BRWD3: variants seen among roughly 807,000 people sequenced by gnomAD.
BRWD3 encodes bromodomain and WD repeat-containing protein 3.
BRWD3 carries 10 observed loss-of-function variants against 149.7 expected under a neutral mutation model. The observed-to-expected ratio is 0.07, with a 90% CI of 0.04 to 0.11. The LOEUF is 0.11. Among genes scored for constraint, BRWD3 ranks in the 10% least tolerant of loss-of-function variants. The probability of loss-of-function intolerance (pLI) is 1.00; values close to 1 mark genes in which losing one functional copy is unlikely to be tolerated. For missense variants in BRWD3, 940 were observed against 1,373.2 expected, an observed-to-expected ratio of 0.68 and a Z score of 4.99; for synonymous variants, 504 against 456.7, an observed-to-expected ratio of 1.10 and a Z score of -1.32.
At chrX:80,712,489 C>T (rs1473516864) in intron 20 of BRWD3, among the ~76,000 whole-genome samples, 5 of 110,459 alleles carry the variant, frequency 4.5e-5, no homozygotes, top group East Asian at 5.8e-4. Context: ...GGCGTGATCT[C>T]GGCTCGCTAC....
At chrX:80,685,592 A>C (rs1383417469) in intron 35 of BRWD3, 56 bp from the exon 36 acceptor site, 1 of 908,375 alleles carries the variant, frequency 1.1e-6, no homozygotes, top group Non-Finnish European at 1.6e-6. Context: ...AAATATCAAG[A>C]CGTGTAATAC....
chrX:80,806,112 A>G (rs1382165419), intron 4 of BRWD3, among the ~76,000 whole-genome samples: 1 of 111,715 alleles, frequency 9.0e-6, no homozygotes, highest in Non-Finnish European at 1.9e-5. Context: ...TTCTGTTCAA[A>G]TTATCACTCA....
At chrX:80,742,718 G>T (rs2073532908) in intron 8 of BRWD3, among the ~76,000 whole-genome samples, 2 of 111,081 alleles carry the variant, frequency 1.8e-5, no homozygotes, top group Non-Finnish European at 3.8e-5. Flanking sequence ...TGGTGTATAG[G>T]AATGCTTGAT....
At chrX:80,748,554 C>T (rs1383069165) in intron 6 of BRWD3, among the ~76,000 whole-genome samples, 2 of 112,187 alleles carry the variant, frequency 1.8e-5, no homozygotes, top group Non-Finnish European at 3.8e-5. Flanking sequence ...TTATTACCGA[C>T]TCAATCTCAT....
chrX:80,767,724 T>A (rs1035386544), intron 6 of BRWD3, among the ~76,000 whole-genome samples: 1 of 112,185 alleles, frequency 8.9e-6, no homozygotes, highest in Non-Finnish European at 1.9e-5. Flanking sequence ...GGATGAAGAA[T>A]GACTTTGACA....
chrX:80,681,600 C>T lies in BRWD3; in HGVS notation c.4496-101G>A, dbSNP rs766860279. The T allele has an allele frequency of 5.0e-4, 323 of 642,345 alleles. 1 individual carries two copies. The African/African-American group carries it at 6.2e-3, about 12-fold the overall frequency. 52.9% of individuals were successfully genotyped at this position (642,345 alleles called of 1,213,427 possible). On this transcript the variant is annotated intron_variant, in intron 39 of 40. Transcript: ENST00000373275. ...CCATATCTCTGTTATTTTATTCTAACACCAAAATTATAAGTTTCTCTAAGA... is the reference window on the plus strand; with the variant it reads ...CCATATCTCTGTTATTTTATTCTAATACCAAAATTATAAGTTTCTCTAAGA...
chrX:80,761,056 A>G (rs760555903), intron 6 of BRWD3, among the ~76,000 whole-genome samples: 8 of 111,066 alleles, frequency 7.2e-5, no homozygotes, highest in African/African-American at 9.8e-5. Context: ...CTTAAAACCT[A>G]TTGGTTAGCT....
At chrX:80,681,076 C>T (rs1602298237) in intron 40 of BRWD3, among the ~76,000 whole-genome samples, 1 of 104,288 alleles carries the variant, frequency 9.6e-6, no homozygotes, top group South Asian at 4.6e-4. Context: ...TCCTAAAGTG[C>T]TGGGATTACA....
At chrX:80,742,577 C>A (rs1428343828) in intron 8 of BRWD3, among the ~76,000 whole-genome samples, 1 of 109,959 alleles carries the variant, frequency 9.1e-6, no homozygotes, top group Admixed American at 9.7e-5. Flanking sequence ...TTTCATTGAG[C>A]AGTGGTTTGC....
In BRWD3 at chrX:80,695,931, G is replaced by T; in HGVS notation, c.3128C>A (p.Ala1043Asp). ...ACCAATCTGCCAGTTCCTTTCTTTG[G>T]CTTCATTATAAAACTGATGTAGCAC... ...FLVLHQFYNE[A>D]KERNWQIGDR... Residue 1043 changes from alanine (A) to aspartate (D), a missense_variant, in exon 27 of 41, where the codon GCC becomes GAC. Coordinates refer to ENST00000373275, the MANE Select transcript of BRWD3 (RefSeq NM_153252.5). 1 of 1,208,809 alleles carries T rather than the reference G, an allele frequency of 8.3e-7. No individual in the cohort carries two copies. The highest frequency in any genetic ancestry group is 1.1e-6 in the Non-Finnish European group (1 of 893,581).
rs2074195959 is a variant in BRWD3, at chrX:80,792,890, G to A, written c.331+732C>T. 4.5e-5 allele frequency among the ~76,000 whole-genome samples: 5 copies of A among 110,349 alleles called. No individual in the cohort carries two copies. In the South Asian group the frequency reaches 1.5e-3, roughly 33 times the overall value. ...TATTTAACAATTACTGAGGCCCGGC[G>A]CAGTGGTTTACGCCTGTAATCCCAG... On this transcript the variant is annotated intron_variant, in intron 5 of 40. Coordinates refer to ENST00000373275, the MANE Select transcript of BRWD3 (RefSeq NM_153252.5).
At chrX:80,723,411 C>A (rs971752894) in intron 16 of BRWD3, among the ~76,000 whole-genome samples, 1 of 110,986 alleles carries the variant, frequency 9.0e-6, no homozygotes. Flanking sequence ...CAGTCACCAG[C>A]GGTTTATTCC....
chrX:80,675,466 C>A lies in BRWD3; in HGVS notation c.*1143G>T, dbSNP rs941400265. 8.9e-6 allele frequency: 1 copy of A among 111,905 alleles called. No individual in the cohort carries two copies. Among genetic ancestry groups the A allele is most frequent in the Non-Finnish European group, 1.9e-5 (1 of 53,086 alleles). 9.2% of individuals were successfully genotyped at this position (111,905 alleles called of 1,213,427 possible). ...ATAAGCAGTAGCCCAAGTCTACTTA[C>A]ACAAATATGTTCTAAGAAAGCCTAA... On this transcript the variant is annotated 3_prime_UTR_variant, in exon 41 of 41. Transcript: ENST00000373275.
rs1042983095 is a variant in BRWD3, at chrX:80,789,591, T to G, written c.430+2263A>C. Among the ~76,000 whole-genome samples, 44 of 110,183 alleles carry G rather than the reference T, an allele frequency of 4.0e-4. 1 individual carries two copies. Among genetic ancestry groups the G allele is most frequent in the Non-Finnish European group, 1.3e-4 (7 of 52,692 alleles). ...CGGGGTTTCACCATGTTAGCCAGGA[T>G]GGTCTCGATCTCCTGACCTCGTGAT... On this transcript the variant is annotated intron_variant, in intron 6 of 40. Coordinates refer to ENST00000373275, the MANE Select transcript of BRWD3 (RefSeq NM_153252.5).
At position 80,728,777 on chromosome X, in the gene BRWD3, G is replaced by C. The variant is rs1380678775; in HGVS notation, c.1361C>G (p.Thr454Arg). 8.3e-7 allele frequency: 1 copy of C among 1,203,778 alleles called. No individual in the cohort carries two copies. Among genetic ancestry groups the C allele is most frequent in the African/African-American group, 1.8e-5 (1 of 57,112 alleles). ...NFLLKVWNSI[T>R]GQLLHTLSGH... ...AGATAATGTATGAAGAAGCTGTCCT[G>C]TGATAGAATTCCACACTTTCAAAAG... Residue 454 changes from threonine to arginine, a missense_variant, in exon 14 of 41, where the codon ACA (threonine) becomes AGA (arginine). Thr to Arg is a moderately conservative substitution (Grantham distance 71). This residue lies in a region of BRWD3 where 209 missense variants were observed against 396.8 expected (regional missense o/e 0.53). Transcript: ENST00000373275.
intron 8 of BRWD3, among the ~76,000 whole-genome samples, chrX:80,741,918 G>C (rs779109231): frequency 4.5e-5 from 5 of 111,732 alleles, no homozygotes; most frequent in African/African-American, 1.6e-4. Flanking sequence ...AGTTTAATTA[G>C]ATCGCATTTG....
In BRWD3 at chrX:80,808,587, G is replaced by C. The variant is rs770588783; in HGVS notation, c.132C>G (p.Arg44=). The C allele has an allele frequency of 3.3e-6, 4 of 1,209,371 alleles. No homozygotes were observed. Among genetic ancestry groups the C allele is most frequent in the Non-Finnish European group, 3.4e-6 (3 of 894,447 alleles). Residue 44 remains arginine (R), a synonymous_variant, in exon 4 of 41, where the codon CGC becomes CGG. Transcript: ENST00000373275. ...QELEEHQLIP[R]RLDWEGKEHR... ...GCTCTTTCCCCTCCCAATCTAAGCG[G>C]CGCGGAATCAGCTGGGGGCCGGACG...
chrX:80,767,962 T>C (rs2073886045), intron 6 of BRWD3, among the ~76,000 whole-genome samples: 3 of 111,156 alleles, frequency 2.7e-5, no homozygotes, highest in Non-Finnish European at 5.7e-5. Flanking sequence ...ATTCGATCAA[T>C]TGGAAGGAAG....
At chrX:80,793,033 G>A (rs762855809) in intron 5 of BRWD3, among the ~76,000 whole-genome samples, 1 of 107,272 alleles carries the variant, frequency 9.3e-6, no homozygotes, top group Non-Finnish European at 1.9e-5. Context: ...GAGGTGGCAC[G>A]CGCCTGTAGT....
Sources: gnomAD v4.1 joint callset for allele counts (sites outside exome capture counted in the v4.1 genomes callset) on GRCh38, gnomAD v4.1.1 for gene constraint, gnomAD v4.1.1 regional missense constraint, MANE v1.5 for transcripts, NCBI Gene and HGNC (gene_info 2026-07-23, HGNC 2026-07-21) for gene names.